The following SQOR variants were observed in gnomAD, a reference collection of about 807,000 sequenced individuals.
The protein encoded by SQOR is sulfide quinone oxidoreductase, also known as sulfide:quinone oxidoreductase, mitochondrial.
Under a neutral mutation model 48.6 loss-of-function variants are expected in SQOR, and 39 were observed. The observed-to-expected ratio is 0.80, with a 90% confidence interval of 0.62 to 1.05. The LOEUF is 1.05. SQOR is among the 50% of genes least tolerant of loss of function. SQOR has a pLI of 0.00. For synonymous variants in SQOR, 220 were observed against 206.2 expected, an observed-to-expected ratio of 1.07 and a Z score of -0.57; for missense variants, 561 against 559.9, an observed-to-expected ratio of 1.00 and a Z score of -0.02.
At chr15:45,668,986 T>G (rs1400533345) in intron 3 of SQOR, among the ~76,000 whole-genome samples, 1 of 152,010 alleles carries the variant, frequency 6.6e-6, no homozygotes, top group Non-Finnish European at 1.5e-5. Flanking sequence ...TCAGGTACAC[T>G]ATGTCATAGC....
At chr15:45,651,413 G>GAGCT (rs937747212) in intron 1 of SQOR, among the ~76,000 whole-genome samples, 2 of 152,212 alleles carry the variant, frequency 1.3e-5, no homozygotes, top group African/African-American at 2.4e-5. Flanking sequence ...CAAGCAGAGG[G>GAGCT]AGCTGGCTCT....
chr15:45,681,040 C>G (rs1336629742), intron 6 of SQOR, among the ~76,000 whole-genome samples: 3 of 152,078 alleles, frequency 2.0e-5, no homozygotes, highest in Non-Finnish European at 4.4e-5. Context: ...AAGACCGAGT[C>G]TCTAATAAAA....
At chr15:45,636,406 C>CTTT (rs57826307) in intron 1 of SQOR, among the ~76,000 whole-genome samples, 3 of 136,582 alleles carry the variant, frequency 2.2e-5, no homozygotes, top group Non-Finnish European at 3.2e-5. Context: ...TTTCTTTCTT[C>CTTT]TTTTTTTTTT....
At chr15:45,662,689 G>A (rs1000459509) in intron 3 of SQOR, among the ~76,000 whole-genome samples, 8 of 152,296 alleles carry the variant, frequency 5.3e-5, no homozygotes, top group South Asian at 2.1e-4. Flanking sequence ...CCACTCAGGG[G>A]TCAAAGCTTT....
rs767249065 is a variant in SQOR at position 45,689,186 on chromosome 15, A to G, written c.1264A>G (p.Met422Val). 3.1e-5 allele frequency: 50 copies of G among 1,613,940 alleles called. No individual in the cohort carries two copies. Among genetic ancestry groups the G allele is most frequent in the Middle Eastern group, 1.6e-4 (1 of 6,084 alleles). Residue 422 changes from methionine (M) to valine (V), a missense_variant, in exon 9 of 10, where the codon ATG (methionine) becomes GTG (valine). By Grantham distance (21) the Met-to-Val change is conservative. Transcript: ENST00000260324. ...CATGTATCTCATGAAAGCTGACCTG[A>G]TGCCTTTCCTGTATTGGAATATGAT... The part of the protein sequence containing the change: ...LSMYLMKADL[M>V]PFLYWNMMLR...
chr15:45,638,489 G>A (rs1368896139), intron 1 of SQOR, among the ~76,000 whole-genome samples: 1 of 152,148 alleles, frequency 6.6e-6, no homozygotes, highest in African/African-American at 2.4e-5. Context: ...TTGGGAGGCC[G>A]AGGTAAGCAG....
In SQOR at chr15:45,673,718, A is replaced by ATC; in HGVS notation, c.573_574dup (p.Phe192SerfsTer9). ...GCAGGACTTCAAAGAGGGCAATGCCATCTTCACCTTCCCAAATACTCCAGT... is the reference window on the plus strand; with the variant it reads ...GCAGGACTTCAAAGAGGGCAATGCCATCTCTTCACCTTCCCAAATACTCCAGT... On this transcript the variant is annotated frameshift_variant, in exon 5 of 10. Transcript: ENST00000260324. LOFTEE classifies it high-confidence loss of function. The ATC allele has an allele frequency of 6.2e-7, 1 of 1,614,170 alleles. No individual in the cohort carries two copies. The highest frequency in any genetic ancestry group is 8.5e-7 in the Non-Finnish European group (1 of 1,179,984).
In SQOR at chr15:45,658,987, C is replaced by T. The variant is rs372958070; in HGVS notation, c.64C>T (p.Leu22=). Residue 22 remains leucine (L), a synonymous_variant, in exon 2 of 10, where the codon CTG becomes TTG. Transcript: ENST00000260324. ...RAQLFACLLR[L]GTQQVGPLQL... ...CCAGCTCTTTGCCTGCCTGCTCAGGCTGGGCACTCAGCAGGTCGGCCCCCT... is the reference window on the plus strand; with the variant it reads ...CCAGCTCTTTGCCTGCCTGCTCAGGTTGGGCACTCAGCAGGTCGGCCCCCT... The T allele has an allele frequency of 2.5e-6, 4 of 1,601,618 alleles. No homozygotes were observed. The highest frequency in any genetic ancestry group is 3.4e-6 in the Non-Finnish European group (4 of 1,173,862).
intron 1 of SQOR, among the ~76,000 whole-genome samples, chr15:45,657,888 C>T (rs970052649): frequency 5.3e-5 from 8 of 152,216 alleles, no homozygotes; most frequent in Middle Eastern, 6.8e-3. Flanking sequence ...CTGGACTTGA[C>T]GGTAGGATTT....
At chr15:45,677,826 G>A (rs909334397) in intron 6 of SQOR, among the ~76,000 whole-genome samples, 1 of 152,202 alleles carries the variant, frequency 6.6e-6, no homozygotes, top group Non-Finnish European at 1.5e-5. Context: ...TCAGCTTCAT[G>A]AGTAGCTGGG....
intron 1 of SQOR, among the ~76,000 whole-genome samples, chr15:45,647,664 G>A (rs986572797): frequency 2.0e-5 from 3 of 151,244 alleles, no homozygotes; most frequent in Non-Finnish European, 4.4e-5. Flanking sequence ...CCGGTAAATC[G>A]CAGCACTTTG....
rs539955326 is a variant in SQOR at position 45,652,148 on chromosome 15, A to T, written c.-17-6759A>T. Among the ~76,000 whole-genome samples, 7 of 152,274 alleles carry T rather than the reference A, an allele frequency of 4.6e-5. No individual in the cohort carries two copies. In the South Asian group the frequency reaches 6.2e-4, roughly 14 times the overall value. On this transcript the variant is annotated intron_variant, in intron 1 of 9. Coordinates refer to ENST00000260324, the MANE Select transcript of SQOR (RefSeq NM_021199.4). ...CTTGGCCTCCTGAGGTGCTGGGATT[A>T]CAGGCGTGAGCCACCACGTCCGGCC...
intron 9 of SQOR, among the ~76,000 whole-genome samples, chr15:45,690,019 C>G (rs1483510666): frequency 6.6e-6 from 1 of 151,032 alleles, no homozygotes; most frequent in Admixed American, 6.6e-5. Context: ...CATAAAGAGG[C>G]AGGTACATAG....
At chr15:45,634,198 C>CTATATATATATA (rs60889862), upstream of SQOR, among the ~76,000 whole-genome samples, 548 of 43,802 alleles carry the variant, frequency 0.013, 62 homozygotes, top group African/African-American at 0.033. Context: ...ACAACAACAA[C>CTATATATATATA]TATATATATA....
At chr15:45,640,368 A>G (rs1895083859) in intron 1 of SQOR, among the ~76,000 whole-genome samples, 1 of 152,130 alleles carries the variant, frequency 6.6e-6, no homozygotes, top group African/African-American at 2.4e-5. Flanking sequence ...GCATGGCCCA[A>G]AATGGGTCAG....
chr15:45,637,820 C>T (rs1194748374), intron 1 of SQOR, among the ~76,000 whole-genome samples: 2 of 152,214 alleles, frequency 1.3e-5, no homozygotes, highest in South Asian at 2.1e-4. Flanking sequence ...AGAATGGAGA[C>T]GGACCCATGA....
At chr15:45,660,302 C>T (rs1889696350) in intron 2 of SQOR, among the ~76,000 whole-genome samples, 1 of 152,166 alleles carries the variant, frequency 6.6e-6, no homozygotes, top group Non-Finnish European at 1.5e-5. Flanking sequence ...TAACCAGGGC[C>T]ATGATTTGAG....
chr15:45,675,478 T>C (rs1890020507), intron 5 of SQOR, among the ~76,000 whole-genome samples: 1 of 151,836 alleles, frequency 6.6e-6, no homozygotes, highest in Non-Finnish European at 1.5e-5. Flanking sequence ...CCCTGCAAAC[T>C]CCGCTTCCTG....
At chr15:45,641,036 A>AT (rs201290462) in intron 1 of SQOR, among the ~76,000 whole-genome samples, 2 of 152,130 alleles carry the variant, frequency 1.3e-5, no homozygotes, top group South Asian at 2.1e-4. Context: ...GTGTTCTTTC[A>AT]TTTTTTTTCC....
Sources: allele counts gnomAD v4.1 joint callset (sites outside exome capture counted in the v4.1 genomes callset), GRCh38; gene constraint gnomAD v4.1.1; transcripts MANE v1.5; gene names NCBI Gene and HGNC (gene_info 2026-07-23, HGNC 2026-07-21).